The following CEP76 variants were observed in gnomAD, a reference collection of about 807,000 sequenced individuals.
CEP76 encodes centrosomal protein 76.
In CEP76, 55 loss-of-function variants were observed where a neutral mutation model predicts 83.3. The observed-to-expected ratio is 0.66, with a 90% CI of 0.53 to 0.83. CEP76 has a LOEUF of 0.83. Among genes scored for constraint, CEP76 ranks in the 40% least tolerant of loss-of-function variants. The probability of loss-of-function intolerance (pLI) is 0.00; values close to 1 mark genes in which losing one functional copy is unlikely to be tolerated. For missense variants in CEP76, 694 were observed against 799.5 expected, an observed-to-expected ratio of 0.87 and a Z score of 1.59; for synonymous variants, 270 against 274.5, an observed-to-expected ratio of 0.98 and a Z score of 0.16.
In CEP76 at chr18:12,673,100, T is replaced by G; in HGVS notation, c.*265A>C. On this transcript the variant is annotated 3_prime_UTR_variant, in exon 12 of 12. Transcript: ENST00000262127. The stretch of plus-strand genomic sequence containing the variant: ...TATTAATATTTAAACTACTGATAAC[T>G]GTAAACAAAGTAGCATTTATTAAAA... 5 of 1,035,964 alleles carry G rather than the reference T, an allele frequency of 4.8e-6. No individual in the cohort carries two copies. Among genetic ancestry groups the G allele is most frequent in the Non-Finnish European group, 5.9e-6 (5 of 844,692 alleles). 64.2% of individuals were successfully genotyped at this position (1,035,964 alleles called of 1,614,324 possible). A position where few individuals can be genotyped will look rare whatever the true frequency, so the allele number is the denominator to read the frequency against.
intron 11 of CEP76, 46 bp downstream of exon 11, chr18:12,674,490 G>A: frequency 7.4e-7 from 1 of 1,352,092 alleles, no homozygotes; most frequent in Non-Finnish European, 1.1e-6. Flanking sequence ...GGACTGATCT[G>A]TAAGACTCCT....
chr18:12,696,485 G>A (rs956372927), intron 5 of CEP76, among the ~76,000 whole-genome samples: 1 of 151,292 alleles, frequency 6.6e-6, no homozygotes, highest in Non-Finnish European at 1.5e-5. Flanking sequence ...CCTGGTGACA[G>A]AGCGAGACTC....
downstream of CEP76, among the ~76,000 whole-genome samples, chr18:12,668,583 G>A (rs540455649): frequency 5.5e-5 from 4 of 73,118 alleles, no homozygotes; most frequent in African/African-American, 2.2e-4. Context: ...GGGAGACAGA[G>A]TAAGATTCCA....
chr18:12,674,531 C>G lies in CEP76; in HGVS notation c.1841+5G>C, dbSNP rs771479371. 3.0e-5 allele frequency: 48 copies of G among 1,606,776 alleles called. No individual in the cohort carries two copies. The highest frequency in any genetic ancestry group is 4.0e-5 in the Non-Finnish European group (47 of 1,173,828). On this transcript the variant is annotated splice_donor_5th_base_variant and intron_variant, in intron 11 of 11. Transcript: ENST00000262127. ...GAAAAAATGATTCCGTAAATTACAC[C>G]TTACCGAAGACATGTGGCAAATGCA... is the stretch of plus-strand genomic sequence containing the variant.
intron 10 of CEP76, among the ~76,000 whole-genome samples, chr18:12,676,201 A>T (rs2039123303): frequency 6.6e-6 from 1 of 151,944 alleles, no homozygotes; most frequent in Non-Finnish European, 1.5e-5. Context: ...TTGCTGATTT[A>T]CAGGCACCTT....
chr18:12,670,808 C>G (rs1240641384), downstream of CEP76: 1 of 151,996 alleles, frequency 6.6e-6, no homozygotes, highest in Non-Finnish European at 1.5e-5. Context: ...CGATCACGCC[C>G]TGCTAATTTT....
chr18:12,674,877 TTAATAA>T (rs891659972), intron 10 of CEP76, 124 bp from the exon 11 acceptor site: 3 of 532,552 alleles, frequency 5.6e-6, no homozygotes, highest in South Asian at 3.4e-5. Context: ...TCATAATATT[TTAATAA>T]TAATAATTAT....
downstream of CEP76, among the ~76,000 whole-genome samples, chr18:12,669,995 CAA>C (rs112045361): frequency 2.3e-5 from 3 of 128,984 alleles, no homozygotes; most frequent in Admixed American, 8.3e-5. Context: ...CAAACTGTCT[CAA>C]AAAAAAAAAG....
At chr18:12,698,709 T>C in intron 4 of CEP76, 1 of 378,502 alleles carries the variant, frequency 2.6e-6, no homozygotes, top group Non-Finnish European at 4.7e-6. Context: ...CTGCCTAGCA[T>C]AACACTATGC....
In CEP76 at chr18:12,678,142, C is replaced by G. The variant is rs1217758576; in HGVS notation, c.1590G>C (p.Met530Ile). Residue 530 changes from methionine to isoleucine, a missense_variant, in exon 10 of 12, where the codon ATG becomes ATC. Coordinates refer to ENST00000262127, the MANE Select transcript of CEP76 (RefSeq NM_024899.4). ...GTTCTGACACCAGGAGCCTCAGCTGCATTTCAATTTCATTACTTGTTACTG... is the reference window on the plus strand; with the variant it reads ...GTTCTGACACCAGGAGCCTCAGCTGGATTTCAATTTCATTACTTGTTACTG... ...DASVTSNEIE[M>I]QLRLLVSEHR... The G allele has an allele frequency of 3.1e-6, 5 of 1,613,502 alleles. No individual in the cohort carries two copies. The South Asian group carries it at 5.5e-5, about 18-fold the overall frequency.
At position 12,691,515 on chromosome 18, in the gene CEP76, TTTCTA is replaced by T. The variant is rs772127843; in HGVS notation, c.805-33_805-29del. The T allele has an allele frequency of 3.9e-6, 6 of 1,526,168 alleles. No homozygotes were observed. The Admixed American group carries it at 1.2e-4, about 29-fold the overall frequency. The allele number at this position is 1,526,168 out of a possible 1,614,324, so 94.5% of individuals were successfully genotyped here. A position where few individuals can be genotyped will look rare whatever the true frequency, so the allele number is the denominator to read the frequency against. On this transcript the variant is annotated intron_variant, in intron 6 of 11. Coordinates refer to ENST00000262127, the MANE Select transcript of CEP76 (RefSeq NM_024899.4). ...TGAAATTGAAAAAAATATTTTTCAA[TTTCTA>T]TTCATTATCTTTAATTACTACAAAA...
At chr18:12,667,529 A>C (rs1473218503) in intron 12 of CEP76, among the ~76,000 whole-genome samples, 1 of 152,150 alleles carries the variant, frequency 6.6e-6, no homozygotes, top group Non-Finnish European at 1.5e-5. Context: ...TGGGAGGCCA[A>C]GGCAGGTGGA....
intron 5 of CEP76, among the ~76,000 whole-genome samples, chr18:12,695,596 A>G (rs1409917550): frequency 6.6e-6 from 1 of 152,044 alleles, no homozygotes; most frequent in Admixed American, 6.6e-5. Context: ...CTTTAAGTAG[A>G]GATGGGGTCT....
chr18:12,678,997 T>G (rs959122563), intron 9 of CEP76: 2 of 152,100 alleles, frequency 1.3e-5, no homozygotes, highest in Non-Finnish European at 1.5e-5. Context: ...TTAAAATAAT[T>G]TGGTTATGCA....
At chr18:12,692,775 C>T (rs2039814082) in intron 6 of CEP76, among the ~76,000 whole-genome samples, 2 of 152,210 alleles carry the variant, frequency 1.3e-5, no homozygotes, top group South Asian at 4.1e-4. Context: ...GTGTCTAGAA[C>T]AGTGTCTAGC....
intron 6 of CEP76, among the ~76,000 whole-genome samples, chr18:12,693,585 C>T (rs1234196748): frequency 6.6e-6 from 1 of 152,042 alleles, no homozygotes; most frequent in South Asian, 2.1e-4. Flanking sequence ...GAGATCGAGA[C>T]CATCCTGGCC....
chr18:12,690,416 C>T (rs1432077595), intron 7 of CEP76, among the ~76,000 whole-genome samples: 1 of 151,744 alleles, frequency 6.6e-6, no homozygotes, highest in African/African-American at 2.4e-5. Flanking sequence ...TTGAACTGTT[C>T]CTTAGGAGTT....
At chr18:12,701,560 T>A (rs190725033) in intron 1 of CEP76, among the ~76,000 whole-genome samples, 1 of 152,126 alleles carries the variant, frequency 6.6e-6, no homozygotes, top group Non-Finnish European at 1.5e-5. Flanking sequence ...CCTAGTGTAG[T>A]GCCCTCTCAC....
At position 12,678,379 on chromosome 18, in the gene CEP76, G is replaced by A; in HGVS notation, c.1353C>T (p.Tyr451=). Residue 451 remains tyrosine (Y), a synonymous_variant, in exon 10 of 12, where the codon TAC becomes TAT. Transcript: ENST00000262127. Reference sequence around the variant, plus strand: ...AAACACAACCAATTGTTCGATATGGGTACAGTGGTTTGGGCTGTTCAGCAA... The same window carrying A: ...AAACACAACCAATTGTTCGATATGGATACAGTGGTTTGGGCTGTTCAGCAA... ...PPVAEQPKPL[Y]PYRTIGCVFN... 6.2e-7 allele frequency: 1 copy of A among 1,614,108 alleles called. No homozygotes were observed. Among genetic ancestry groups the A allele is most frequent in the Non-Finnish European group, 8.5e-7 (1 of 1,180,018 alleles).
Sources: gnomAD v4.1 joint callset for allele counts (sites outside exome capture counted in the v4.1 genomes callset) on GRCh38, gnomAD v4.1.1 for gene constraint, MANE v1.5 for transcripts, NCBI Gene and HGNC (gene_info 2026-07-23, HGNC 2026-07-21) for gene names.